Variants in JPH2 observed in about 807,000 individuals in gnomAD.
JPH2 encodes the protein junctophilin-2.
JPH2 carries 38 observed loss-of-function variants against 55.9 expected under a neutral mutation model. That is an observed-to-expected ratio of 0.68 (90% confidence interval 0.52 to 0.89). JPH2 has a LOEUF of 0.89. JPH2 is among the 40% of genes least tolerant of loss of function. The pLI is 0.00. For missense variants in JPH2, 964 were observed against 1,037.6 expected (o/e 0.93, Z 0.97); for synonymous variants, 480 against 472.4 (o/e 1.02, Z -0.21).
At chr20:44,142,140 C>T (rs1321486743) in intron 2 of JPH2, among the ~76,000 whole-genome samples, 3 of 152,106 alleles carry the variant, frequency 2.0e-5, no homozygotes, top group Non-Finnish European at 4.4e-5. Flanking sequence ...GGATGTGTGC[C>T]CAGTTATGTA....
chr20:44,106,878 C>G lies in JPH2; in HGVS notation c.*6640G>C, dbSNP rs997108448. ...TTAAGATGAGATTTGGGTGAGAACA[C>G]AGCCAAACCATATCACCCAGTAACA... On this transcript the variant is annotated 3_prime_UTR_variant, in exon 6 of 6. Transcript: ENST00000372980. 6.6e-6 allele frequency among the ~76,000 whole-genome samples: 1 copy of G among 152,112 alleles called. No individual in the cohort carries two copies. The highest frequency in any genetic ancestry group is 1.5e-5 in the Non-Finnish European group (1 of 68,008).
chr20:44,153,595 C>T (rs2072545874), intron 2 of JPH2, among the ~76,000 whole-genome samples: 1 of 152,188 alleles, frequency 6.6e-6, no homozygotes, highest in Admixed American at 6.5e-5. Context: ...TGGTACAAAA[C>T]CTGAGATGCT....
In JPH2 at chr20:44,186,470, C is replaced by G. The variant is rs767968907; in HGVS notation, c.236G>C (p.Arg79Pro). 1.9e-6 allele frequency: 3 copies of G among 1,614,018 alleles called. No individual in the cohort carries two copies. The highest frequency in any genetic ancestry group is 3.3e-5 in the Admixed American group (2 of 60,002). ...TGTCCACTCGCCCTTGTAGAGCCAG[C>G]GCCCCTTGGTCTCTATGCCCAGCCC... is the stretch of plus-strand genomic sequence containing the variant. ...RHGLGIETKG[R>P]WLYKGEWTHG... The change falls in exon 1 of 6, where the codon CGC becomes CCC. Residue 79 changes from arginine (R) to proline (P), a missense_variant. Coordinates refer to ENST00000372980, the MANE Select transcript of JPH2 (RefSeq NM_020433.5).
At chr20:44,117,452 G>A (rs957257506) in intron 3 of JPH2, among the ~76,000 whole-genome samples, 4 of 152,228 alleles carry the variant, frequency 2.6e-5, no homozygotes, top group African/African-American at 9.6e-5. Flanking sequence ...TTCCTGGCAT[G>A]CTGCTCTGTC....
At chr20:44,136,904 A>C (rs959242196) in intron 2 of JPH2, among the ~76,000 whole-genome samples, 1 of 152,254 alleles carries the variant, frequency 6.6e-6, no homozygotes, top group African/African-American at 2.4e-5. Flanking sequence ...ACAAGGATTT[A>C]CTAGGCACCT....
chr20:44,160,051 C>T lies in JPH2; in HGVS notation c.736G>A (p.Val246Ile), dbSNP rs1326771127. ...CTGAGGTCGCTCTTAAGGAAGCTGA[C>T]ACGGCTGCGCTGGCTACCCACGGAC... is the stretch of plus-strand genomic sequence containing the variant. Reference protein sequence around the residue: ...RTSVGSQRSRVSFLKSDLSSG... With the variant: ...RTSVGSQRSRISFLKSDLSSG... Residue 246 changes from valine (V) to isoleucine (I), a missense_variant, in exon 2 of 6, where the codon GTC becomes ATC. Coordinates refer to ENST00000372980, the MANE Select transcript of JPH2 (RefSeq NM_020433.5). This position sits in a 1 kb window ranked among gnomAD's most constrained non-coding sequence, Gnocchi z 4.9. 1 of 1,547,390 alleles carries T rather than the reference C, an allele frequency of 6.5e-7. No individual in the cohort carries two copies. The highest frequency in any genetic ancestry group is 8.7e-7 in the Non-Finnish European group (1 of 1,152,900).
At chr20:44,141,627 C>G (rs971560514) in intron 2 of JPH2, among the ~76,000 whole-genome samples, 2 of 151,980 alleles carry the variant, frequency 1.3e-5, no homozygotes, top group Admixed American at 6.6e-5. Context: ...TCCTGTGTAG[C>G]TGGGACTACA....
intron 2 of JPH2, among the ~76,000 whole-genome samples, chr20:44,126,408 C>T (rs2072277772): frequency 6.6e-6 from 1 of 152,106 alleles, no homozygotes; most frequent in African/African-American, 2.4e-5. Flanking sequence ...GGAGGATGCT[C>T]AGGTGATTAC....
chr20:44,171,824 A>G (rs1346777208), intron 1 of JPH2, among the ~76,000 whole-genome samples: 1 of 152,210 alleles, frequency 6.6e-6, no homozygotes, highest in African/African-American at 2.4e-5. Context: ...CAAAATATGT[A>G]TCACATTTTG....
intron 2 of JPH2, among the ~76,000 whole-genome samples, chr20:44,126,839 C>G (rs1569187401): frequency 1.3e-5 from 2 of 152,352 alleles, no homozygotes; most frequent in East Asian, 3.9e-4. Flanking sequence ...GGCACAAACT[C>G]AAGCCCAATT....
At chr20:44,134,705 A>T (rs1250113820) in intron 2 of JPH2, among the ~76,000 whole-genome samples, 2 of 62,152 alleles carry the variant, frequency 3.2e-5, no homozygotes, top group Admixed American at 2.9e-4. Context: ...ATATACATTA[A>T]TATATATTAT....
chr20:44,133,432 C>T (rs992875496), intron 2 of JPH2, among the ~76,000 whole-genome samples: 4 of 151,980 alleles, frequency 2.6e-5, no homozygotes, highest in Admixed American at 2.6e-4. Flanking sequence ...ATTATTATGT[C>T]CACTGAATAG....
chr20:44,167,215 A>G (rs2072662508), intron 1 of JPH2, among the ~76,000 whole-genome samples: 1 of 152,160 alleles, frequency 6.6e-6, no homozygotes, highest in Non-Finnish European at 1.5e-5. Flanking sequence ...GTGCCATTGA[A>G]TAATTATCAT....
intron 2 of JPH2, among the ~76,000 whole-genome samples, chr20:44,147,784 C>A (rs548680861): frequency 6.6e-6 from 1 of 152,300 alleles, no homozygotes; most frequent in Middle Eastern, 3.4e-3. Flanking sequence ...GAAGTAGCAG[C>A]ACAGGGTGGT....
chr20:44,186,170 T>C (rs73106255), intron 1 of JPH2, among the ~76,000 whole-genome samples, 157 bp downstream of exon 1: 1 of 152,090 alleles, frequency 6.6e-6, no homozygotes, highest in African/African-American at 2.4e-5. Context: ...AAATGGAAGC[T>C]CAGAAAGGTA....
chr20:44,182,854 G>C (rs2072797042), intron 1 of JPH2, among the ~76,000 whole-genome samples: 1 of 152,240 alleles, frequency 6.6e-6, no homozygotes, highest in Admixed American at 6.5e-5. Flanking sequence ...CTGTAAAGCA[G>C]TTCCTGGAAC....
intron 3 of JPH2, among the ~76,000 whole-genome samples, chr20:44,116,886 T>C (rs761580870): frequency 3.5e-4 from 53 of 152,332 alleles, no homozygotes; most frequent in African/African-American, 1.2e-3. Context: ...CTCCCAGGCA[T>C]AGGTTTTCGC....
rs994258576 is a variant in JPH2, at chr20:44,160,821, C to T, written c.380-414G>A. On this transcript the variant is annotated intron_variant, in intron 1 of 5. Coordinates refer to ENST00000372980, the MANE Select transcript of JPH2 (RefSeq NM_020433.5). This position sits in a 1 kb window ranked among gnomAD's most constrained non-coding sequence, Gnocchi z 4.9. Reference sequence around the variant, plus strand: ...TCATGAGGTGGGGGCAGGTGGCTCACGCCTGTAATCCCAGCACTTGGGAAG... The same window carrying T: ...TCATGAGGTGGGGGCAGGTGGCTCATGCCTGTAATCCCAGCACTTGGGAAG... 6.6e-6 allele frequency among the ~76,000 whole-genome samples: 1 copy of T among 152,190 alleles called. No homozygotes were observed. Among genetic ancestry groups the T allele is most frequent in the South Asian group, 2.1e-4 (1 of 4,834 alleles).
Position 44,110,028 on chromosome 20 carries a change from C to A in JPH2, c.*3490G>T, listed in dbSNP as rs1168256324. On this transcript the variant is annotated 3_prime_UTR_variant, in exon 6 of 6. Transcript: ENST00000372980. ...GACCCATCAGACTTCCTAGAGCTGC[C>A]TGTGGTCAAGATTAGAAGAGGAGGC... Among the ~76,000 whole-genome samples, 1 of 152,172 alleles carries A rather than the reference C, an allele frequency of 6.6e-6. No individual in the cohort carries two copies. The highest frequency in any genetic ancestry group is 1.5e-5 in the Non-Finnish European group (1 of 68,024).
Sources: allele counts gnomAD v4.1 joint callset (sites outside exome capture counted in the v4.1 genomes callset), GRCh38; gene constraint gnomAD v4.1.1; non-coding constraint Gnocchi (gnomAD v3.1); transcripts MANE v1.5; gene names NCBI Gene and HGNC (gene_info 2026-07-23, HGNC 2026-07-21).